The following RPS6KC1 variants were observed in gnomAD, a reference collection of about 807,000 sequenced individuals.
RPS6KC1 encodes inactive ribosomal protein S6 kinase delta-1.
RPS6KC1 carries 54 observed loss-of-function variants against 103.8 expected under a neutral mutation model. The observed-to-expected ratio is 0.52, with a 90% CI of 0.42 to 0.65. The LOEUF is 0.65. RPS6KC1 is among the 30% of genes least tolerant of loss of function. The pLI is 0.00. For missense variants in RPS6KC1, 1,151 were observed against 1,253.8 expected (o/e 0.92, Z 1.24); for synonymous variants, 439 against 438.7 (o/e 1.00, Z -0.01).
the RPS6KC1 span, among the ~76,000 whole-genome samples, chr1:213,402,384 C>T: frequency 6.6e-6 from 1 of 152,198 alleles, no homozygotes; most frequent in Non-Finnish European, 1.5e-5. Flanking sequence ...AATACTCACA[C>T]ACCCCCTCCT....
At chr1:213,674,531 C>A in the RPS6KC1 span, among the ~76,000 whole-genome samples, 2 of 152,120 alleles carry the variant, frequency 1.3e-5, no homozygotes, top group African/African-American at 4.8e-5. Context: ...TTTTCTTATC[C>A]AATCCACTAC....
the RPS6KC1 span, among the ~76,000 whole-genome samples, chr1:213,499,673 G>T: frequency 1.3e-5 from 2 of 151,368 alleles, no homozygotes; most frequent in African/African-American, 2.5e-5. Context: ...GACCAGTACT[G>T]GTCCATGGCC....
At chr1:213,758,503 G>C in the RPS6KC1 span, among the ~76,000 whole-genome samples, 1 of 151,736 alleles carries the variant, frequency 6.6e-6, no homozygotes, top group Admixed American at 6.6e-5. Flanking sequence ...ACTTGAACCC[G>C]GGAGGCGGAA....
chr1:213,331,424 T>C, the RPS6KC1 span, among the ~76,000 whole-genome samples: 1 of 152,122 alleles, frequency 6.6e-6, no homozygotes, highest in African/African-American at 2.4e-5. Flanking sequence ...GATGGTGGGG[T>C]CAAAGCCATT....
At chr1:213,681,616 G>T in the RPS6KC1 span, among the ~76,000 whole-genome samples, 1 of 152,106 alleles carries the variant, frequency 6.6e-6, no homozygotes, top group South Asian at 2.1e-4. Flanking sequence ...GGGAAATGTA[G>T]CAAGACCTTG....
chr1:213,130,433 A>T (rs923312341), intron 6 of RPS6KC1, among the ~76,000 whole-genome samples: 2 of 152,140 alleles, frequency 1.3e-5, no homozygotes, highest in African/African-American at 2.4e-5. Context: ...AGTATCAGCT[A>T]TTGTTTTAAC....
At chr1:213,092,234 A>G (rs6666814) in intron 3 of RPS6KC1, among the ~76,000 whole-genome samples, 111,147 of 152,140 alleles carry the variant, frequency 0.73, 41,436 homozygotes, top group African/African-American at 0.88. Flanking sequence ...GAACACACGT[A>G]CACACATATA....
the RPS6KC1 span, among the ~76,000 whole-genome samples, chr1:213,680,585 A>C: frequency 1.3e-5 from 2 of 152,336 alleles, no homozygotes; most frequent in South Asian, 2.1e-4. Flanking sequence ...TTTTGCAATG[A>C]GAAAATCACT....
At chr1:213,198,059 A>T (rs910039289) in intron 8 of RPS6KC1, among the ~76,000 whole-genome samples, 2 of 152,022 alleles carry the variant, frequency 1.3e-5, no homozygotes, top group African/African-American at 2.4e-5. Context: ...TGTGAGATGT[A>T]TGCTTTAAGA....
At chr1:213,652,662 C>T in the RPS6KC1 span, among the ~76,000 whole-genome samples, 2 of 152,146 alleles carry the variant, frequency 1.3e-5, no homozygotes, top group African/African-American at 4.8e-5. Flanking sequence ...GTCCTGAGAC[C>T]ACCCTGTGAA....
the RPS6KC1 span, among the ~76,000 whole-genome samples, chr1:213,618,951 T>G: frequency 6.6e-6 from 1 of 151,598 alleles, no homozygotes; most frequent in South Asian, 2.1e-4. Context: ...ATGTGGGGAG[T>G]GCAGTGATGG....
rs191789848 is a variant in RPS6KC1, at chr1:213,238,229, C to T, written c.1226-2473C>T. The stretch of plus-strand genomic sequence containing the variant: ...ATATATGATGTCCAGTTAAGGGATA[C>T]AAAGAAATTGGTAAAAGAGAACAGA... On this transcript the variant is annotated intron_variant, in intron 10 of 14. Coordinates refer to ENST00000366960, the MANE Select transcript of RPS6KC1 (RefSeq NM_012424.6). 3.3e-5 allele frequency among the ~76,000 whole-genome samples: 5 copies of T among 152,060 alleles called. No homozygotes were observed. The East Asian group carries it at 5.8e-4, about 18-fold the overall frequency.
chr1:213,261,377 AAAT>A (rs1298752344), intron 12 of RPS6KC1, among the ~76,000 whole-genome samples, 178 bp from the exon 13 acceptor site: 1 of 152,142 alleles, frequency 6.6e-6, no homozygotes, highest in Non-Finnish European at 1.5e-5. Context: ...TCAAAAAAAA[AAAT>A]ATATGCAACC....
chr1:213,598,640 G>A, the RPS6KC1 span, among the ~76,000 whole-genome samples: 59 of 152,228 alleles, frequency 3.9e-4, no homozygotes, highest in African/African-American at 1.4e-3. Context: ...ATTTTAGGCC[G>A]GGTGTGGTGG....
At chr1:213,576,922 A>G in the RPS6KC1 span, among the ~76,000 whole-genome samples, 1 of 152,218 alleles carries the variant, frequency 6.6e-6, no homozygotes, top group African/African-American at 2.4e-5. Context: ...TGTCAATGAT[A>G]AGAAAGTGAA....
chr1:213,172,537 T>C (rs2091553129), intron 7 of RPS6KC1, among the ~76,000 whole-genome samples: 2 of 152,206 alleles, frequency 1.3e-5, no homozygotes, highest in Admixed American at 6.5e-5. Context: ...CGTTTGAGCC[T>C]GGGAGATCGA....
At chr1:213,548,335 T>G in the RPS6KC1 span, among the ~76,000 whole-genome samples, 1 of 152,212 alleles carries the variant, frequency 6.6e-6, no homozygotes, top group Non-Finnish European at 1.5e-5. Context: ...ACACAATATA[T>G]TTTGTAGTGA....
At chr1:213,196,064 C>T (rs183140368) in intron 8 of RPS6KC1, among the ~76,000 whole-genome samples, 2 of 152,126 alleles carry the variant, frequency 1.3e-5, no homozygotes, top group East Asian at 3.9e-4. Flanking sequence ...ATGCTGTTTT[C>T]GATAATGGTT....
intron 14 of RPS6KC1, among the ~76,000 whole-genome samples, chr1:213,270,452 C>A (rs1028889575): frequency 6.6e-6 from 1 of 152,038 alleles, no homozygotes; most frequent in African/African-American, 2.4e-5. Context: ...AAATTAAAAA[C>A]TTGTGCATTC....
Sources: gnomAD v4.1 joint callset for allele counts (sites outside exome capture counted in the v4.1 genomes callset) on GRCh38, gnomAD v4.1.1 for gene constraint, MANE v1.5 for transcripts, NCBI Gene and HGNC (gene_info 2026-07-23, HGNC 2026-07-21) for gene names.